Variants in FAM184B observed in about 807,000 individuals in gnomAD.
FAM184B encodes protein FAM184B.
In FAM184B, 111 loss-of-function variants were observed where a neutral mutation model predicts 135.9. The ratio of observed to expected loss-of-function variants is 0.82; its 90% confidence interval spans 0.70 to 0.96. The LOEUF is 0.96. Among genes scored for constraint, FAM184B ranks in the 40% least tolerant of loss-of-function variants. The pLI, the probability that FAM184B is intolerant of heterozygous loss-of-function variation, is 0.00. For synonymous variants in FAM184B, 552 were observed against 524.8 expected (o/e 1.05, Z -0.71); for missense variants, 1,375 against 1,323.9 (o/e 1.04, Z -0.60).
In FAM184B at chr4:17,712,726, C is replaced by G. The variant is rs59581049; in HGVS notation, c.142-3082G>C. Among the ~76,000 whole-genome samples, 1,326 of 151,734 alleles carry G rather than the reference C, an allele frequency of 8.7e-3. 21 individuals are homozygous for G. The highest frequency in any genetic ancestry group is 0.03 in the African/African-American group (1,219 of 41,278). On this transcript the variant is annotated intron_variant, in intron 1 of 17. Coordinates refer to ENST00000265018, the MANE Select transcript of FAM184B (RefSeq NM_015688.2). ...GAAGAGCTTTCACACTCAGCCTTCC[C>G]TAGCATAGAGTTTAGAAAACAAAAA...
intron 1 of FAM184B, among the ~76,000 whole-genome samples, chr4:17,725,600 C>G (rs949315618): frequency 6.6e-6 from 1 of 152,046 alleles, no homozygotes; most frequent in Non-Finnish European, 1.5e-5. Flanking sequence ...GGGAAGTTGC[C>G]AGTGTGGGTT....
chr4:17,658,827 G>C (rs1715842160), intron 9 of FAM184B, among the ~76,000 whole-genome samples: 1 of 152,162 alleles, frequency 6.6e-6, no homozygotes, highest in Middle Eastern at 3.4e-3. Context: ...TGCCTTCCAG[G>C]GACCCACGTG....
intron 1 of FAM184B, among the ~76,000 whole-genome samples, chr4:17,780,307 G>C (rs556930970): frequency 6.6e-6 from 1 of 152,290 alleles, no homozygotes; most frequent in South Asian, 2.1e-4. Flanking sequence ...CATGGCACCA[G>C]GAGTTTATTA....
chr4:17,637,494 G>C (rs184107825), intron 14 of FAM184B, among the ~76,000 whole-genome samples: 1 of 152,232 alleles, frequency 6.6e-6, no homozygotes, highest in African/African-American at 2.4e-5. Flanking sequence ...TGTGACCTTG[G>C]GCATCATTTC....
chr4:17,718,787 G>A (rs547508850), intron 1 of FAM184B, among the ~76,000 whole-genome samples: 1 of 152,336 alleles, frequency 6.6e-6, no homozygotes, highest in Admixed American at 6.5e-5. Context: ...GAATGCAACT[G>A]GCTCAGCCAA....
At chr4:17,695,511 A>G (rs1336917216) in intron 5 of FAM184B, among the ~76,000 whole-genome samples, 1 of 152,102 alleles carries the variant, frequency 6.6e-6, no homozygotes, top group African/African-American at 2.4e-5. Flanking sequence ...GGGTGGAGGC[A>G]TTGGGTGAGA....
intron 1 of FAM184B, among the ~76,000 whole-genome samples, chr4:17,710,251 G>A (rs1247397086): frequency 1.3e-5 from 2 of 152,106 alleles, no homozygotes; most frequent in African/African-American, 4.8e-5. Flanking sequence ...TTGAACCCAG[G>A]AGGCGGAGGT....
In FAM184B at chr4:17,635,072, C is replaced by T. The variant is rs1715084436; in HGVS notation, c.2826G>A (p.Met942Ile). Residue 942 changes from methionine to isoleucine, a missense_variant, in exon 16 of 18, where the codon ATG (methionine) becomes ATA (isoleucine). Coordinates refer to ENST00000265018, the MANE Select transcript of FAM184B (RefSeq NM_015688.2). ...RFHYAAFPSAMSHRNRSFSFN... is the reference protein window; with the variant it reads ...RFHYAAFPSAISHRNRSFSFN... ...AAGAGAAAGACCGATTCCGGTGGGA[C>T]ATGGCACTGGGGAATGCTGCGTAGT... is the stretch of plus-strand genomic sequence containing the variant. 7 of 1,551,792 alleles carry T rather than the reference C, an allele frequency of 4.5e-6. No individual in the cohort carries two copies. The highest frequency in any genetic ancestry group is 6.1e-6 in the Non-Finnish European group (7 of 1,146,996).
At position 17,647,637 on chromosome 4, in the gene FAM184B, C is replaced by T. The variant is rs1273967554; in HGVS notation, c.2346G>A (p.Glu782=). The T allele has an allele frequency of 6.5e-6, 10 of 1,549,518 alleles. No individual in the cohort carries two copies. Among genetic ancestry groups the T allele is most frequent in the Middle Eastern group, 2.0e-4 (1 of 4,896 alleles). ...CTGGTGCAAGGGCGGGGGCACTGAC[C>T]TCTGTGGCGATTATGTGATCCTTGC... is the stretch of plus-strand genomic sequence containing the variant. ...GDSKDHIIAT[E]ERGGPGQAGS... is the part of the protein sequence containing the mutation. The change falls in exon 12 of 18, where the codon GAG becomes GAA. Residue 782 remains glutamate (E), a splice_region_variant and synonymous_variant. Transcript: ENST00000265018.
chr4:17,757,237 T>G (rs1436382310), intron 1 of FAM184B, among the ~76,000 whole-genome samples: 1 of 152,180 alleles, frequency 6.6e-6, no homozygotes, highest in Admixed American at 6.5e-5. Flanking sequence ...ATAGATCAAA[T>G]AACTCAGTTT....
intron 2 of FAM184B, among the ~76,000 whole-genome samples, chr4:17,708,670 T>TATATAC (rs2108965793): frequency 3.9e-5 from 1 of 25,802 alleles, no homozygotes; most frequent in Admixed American, 4.9e-4. Flanking sequence ...AAACTATATA[T>TATATAC]ATATATATAT....
intron 1 of FAM184B, among the ~76,000 whole-genome samples, chr4:17,774,493 T>C (rs1485883213): frequency 6.6e-6 from 1 of 152,222 alleles, no homozygotes; most frequent in Non-Finnish European, 1.5e-5. Context: ...TGCCTGATGC[T>C]TTCAAGAACA....
intron 5 of FAM184B, among the ~76,000 whole-genome samples, chr4:17,703,157 C>T (rs1479727174): frequency 6.6e-6 from 1 of 152,066 alleles, no homozygotes. Flanking sequence ...GTATAGTGGT[C>T]ATGAAATAAT....
chr4:17,746,084 G>C (rs1453699462), intron 1 of FAM184B, among the ~76,000 whole-genome samples: 1 of 151,856 alleles, frequency 6.6e-6, no homozygotes, highest in African/African-American at 2.4e-5. Flanking sequence ...TCAGCCTCCC[G>C]AGTAGCTGGG....
intron 1 of FAM184B, among the ~76,000 whole-genome samples, chr4:17,768,890 C>T (rs1278514043): frequency 1.3e-5 from 2 of 151,846 alleles, no homozygotes; most frequent in East Asian, 1.9e-4. Flanking sequence ...CTGCAACCTC[C>T]GTTCCCGGGT....
intron 10 of FAM184B, among the ~76,000 whole-genome samples, chr4:17,654,015 G>A (rs958613175): frequency 1.4e-5 from 2 of 147,478 alleles, no homozygotes; most frequent in Non-Finnish European, 1.5e-5. Context: ...TCTAGAAGGT[G>A]GAAAAGGCAA....
intron 5 of FAM184B, among the ~76,000 whole-genome samples, chr4:17,701,079 C>T (rs1348842927): frequency 2.6e-5 from 4 of 152,204 alleles, no homozygotes; most frequent in Non-Finnish European, 5.9e-5. Context: ...TCCCCAGGCA[C>T]AGTGCTTATT....
intron 7 of FAM184B, among the ~76,000 whole-genome samples, chr4:17,668,504 G>C (rs1716102814): frequency 6.6e-6 from 1 of 151,924 alleles, no homozygotes; most frequent in Non-Finnish European, 1.5e-5. Context: ...CAATTTTTTT[G>C]CTACCACAAT....
Position 17,766,883 on chromosome 4 carries a change from G to A in FAM184B, c.141+14276C>T, listed in dbSNP as rs561718229. On this transcript the variant is annotated intron_variant, in intron 1 of 17. Transcript: ENST00000265018. ...GGGCAGCGCTCATTGGGGAGGCTCC[G>A]GCCGCACAGGAGCCTATGGTGCAGG... Among the ~76,000 whole-genome samples the A allele has an allele frequency of 5.7e-4, 87 of 152,320 alleles. 1 individual carries two copies. Among genetic ancestry groups the A allele is most frequent in the African/African-American group, 2.0e-3 (84 of 41,580 alleles).
Sources: allele counts gnomAD v4.1 joint callset (sites outside exome capture counted in the v4.1 genomes callset), GRCh38; gene constraint gnomAD v4.1.1; transcripts MANE v1.5; gene names NCBI Gene and HGNC (gene_info 2026-07-23, HGNC 2026-07-21).